The following CDH12 variants were observed in gnomAD, a reference collection of about 807,000 sequenced individuals.
CDH12 encodes cadherin 12.
CDH12 carries 41 observed loss-of-function variants against 74.1 expected under a neutral mutation model. That is an observed-to-expected ratio of 0.55 (90% confidence interval 0.43 to 0.72). The LOEUF (loss-of-function observed/expected upper bound fraction) is 0.72, where lower values mean the gene tolerates loss of function less well. Ranked by LOEUF, CDH12 falls within the 30% of genes least tolerant of loss-of-function variation. The pLI is 0.00. For missense variants in CDH12, 945 were observed against 977.2 expected (o/e 0.97, Z 0.44); for synonymous variants, 399 against 355.0 (o/e 1.12, Z -1.39).
intron 2 of CDH12, among the ~76,000 whole-genome samples, chr5:22,467,214 C>G (rs1745772613): frequency 6.6e-6 from 1 of 152,120 alleles, no homozygotes; most frequent in Non-Finnish European, 1.5e-5. Context: ...GGAACCTTGA[C>G]AGCCCGTGAG....
intron 1 of CDH12, among the ~76,000 whole-genome samples, chr5:22,664,424 C>T (rs1740503892): frequency 6.6e-6 from 1 of 152,040 alleles, no homozygotes; most frequent in African/African-American, 2.4e-5. Flanking sequence ...GAGAAAAGCC[C>T]CTTTTAAACT....
At chr5:22,800,857 T>C (rs1215949755) in intron 1 of CDH12, among the ~76,000 whole-genome samples, 1 of 152,202 alleles carries the variant, frequency 6.6e-6, no homozygotes, top group South Asian at 2.1e-4. Flanking sequence ...TTCCTCCTTG[T>C]CTTTTCACGG....
intron 6 of CDH12, among the ~76,000 whole-genome samples, chr5:21,863,192 C>T (rs367864433): frequency 7.9e-5 from 12 of 152,082 alleles, no homozygotes; most frequent in African/African-American, 2.9e-4. Context: ...CCAGAGACCC[C>T]ATGCTGTGAC....
At chr5:21,943,012 A>T (rs1470878424) in intron 6 of CDH12, among the ~76,000 whole-genome samples, 1 of 152,072 alleles carries the variant, frequency 6.6e-6, no homozygotes, top group East Asian at 1.9e-4. Flanking sequence ...AGATGTTCTC[A>T]TGATAGTGAA....
At chr5:21,797,091 G>T (rs1466669833) in intron 10 of CDH12, among the ~76,000 whole-genome samples, 2 of 152,038 alleles carry the variant, frequency 1.3e-5, no homozygotes, top group Non-Finnish European at 1.5e-5. Flanking sequence ...ACCAGACAGG[G>T]TGTGTTTGCT....
intron 1 of CDH12, among the ~76,000 whole-genome samples, chr5:22,752,735 C>A (rs1180397876): frequency 6.9e-6 from 1 of 145,836 alleles, no homozygotes; most frequent in Non-Finnish European, 1.5e-5. Flanking sequence ...CTACGCCCGG[C>A]TAATTTTTTG....
chr5:22,772,440 G>A (rs2126314472), intron 1 of CDH12, among the ~76,000 whole-genome samples: 1 of 151,988 alleles, frequency 6.6e-6, no homozygotes, highest in African/African-American at 2.4e-5. Flanking sequence ...CAGACACCAA[G>A]GAGTTCATTT....
At position 22,425,073 on chromosome 5, in the gene CDH12, TATATAGAG is replaced by T. The variant is rs1242449459; in HGVS notation, c.-427-19730_-427-19723del. 1.3e-4 allele frequency among the ~76,000 whole-genome samples: 14 copies of T among 103,758 alleles called. No individual in the cohort carries two copies. The East Asian group carries it at 2.1e-3, about 15-fold the overall frequency. 68.1% of individuals were successfully genotyped at this position (103,758 alleles called of 152,430 possible). ...GAGAATTTTTACATTTATATATATA[TATATAGAG>T]AGAGAGAGAGAGAGAGAGAGAATTT... On this transcript the variant is annotated intron_variant, in intron 2 of 14. Transcript: ENST00000382254.
intron 4 of CDH12, among the ~76,000 whole-genome samples, chr5:22,167,536 A>G (rs1022952072): frequency 2.6e-5 from 4 of 152,112 alleles, no homozygotes; most frequent in Non-Finnish European, 5.9e-5. Context: ...TTTGGACTCA[A>G]TGGCTCTGCC....
chr5:22,192,158 T>C (rs1750346742), intron 4 of CDH12, among the ~76,000 whole-genome samples: 1 of 152,004 alleles, frequency 6.6e-6, no homozygotes, highest in South Asian at 2.1e-4. Flanking sequence ...GGTCTCAAAC[T>C]CCTGGCCTCA....
At chr5:22,151,830 A>G (rs1245487663) in intron 4 of CDH12, 1 of 152,208 alleles carries the variant, frequency 6.6e-6, no homozygotes, top group Non-Finnish European at 1.5e-5. Context: ...ACATAAAAAG[A>G]CTAAAATAAA....
intron 13 of CDH12, among the ~76,000 whole-genome samples, chr5:21,757,154 C>A (rs1430386507): frequency 6.6e-6 from 1 of 151,936 alleles, no homozygotes; most frequent in Non-Finnish European, 1.5e-5. Flanking sequence ...GCAGCCTAAC[C>A]CTTTTTAAAA....
chr5:22,288,683 T>A (rs1303813967), intron 3 of CDH12, among the ~76,000 whole-genome samples: 1 of 152,160 alleles, frequency 6.6e-6, no homozygotes, highest in Non-Finnish European at 1.5e-5. Context: ...ATTTAAAGTC[T>A]GGGATGTACA....
chr5:22,093,014 C>T (rs1275342769), intron 4 of CDH12, among the ~76,000 whole-genome samples: 2 of 152,134 alleles, frequency 1.3e-5, no homozygotes, highest in African/African-American at 4.8e-5. Flanking sequence ...CATGAGAGTG[C>T]ACATCCCTTG....
At chr5:21,784,108 G>A (rs1746069654) in intron 10 of CDH12, among the ~76,000 whole-genome samples, 1 of 151,954 alleles carries the variant, frequency 6.6e-6, no homozygotes, top group Non-Finnish European at 1.5e-5. Flanking sequence ...AGTGACTTTG[G>A]ATAATGATGT....
At chr5:22,319,620 A>G (rs1343222438) in intron 3 of CDH12, among the ~76,000 whole-genome samples, 1 of 152,200 alleles carries the variant, frequency 6.6e-6, no homozygotes, top group Non-Finnish European at 1.5e-5. Context: ...ATCAATAGAA[A>G]CATTATATTG....
At chr5:21,886,544 T>C (rs1251269130) in intron 6 of CDH12, among the ~76,000 whole-genome samples, 1 of 146,582 alleles carries the variant, frequency 6.8e-6, no homozygotes, top group Admixed American at 6.8e-5. Flanking sequence ...ATATATAATA[T>C]ATATAAATAT....
intron 1 of CDH12, among the ~76,000 whole-genome samples, chr5:22,827,363 C>T (rs546415453): frequency 2.6e-5 from 4 of 152,334 alleles, no homozygotes; most frequent in Admixed American, 6.5e-5. Flanking sequence ...ATCCAAATAA[C>T]TTAAAACTGA....
chr5:21,926,631 G>C (rs1754594884), intron 6 of CDH12, among the ~76,000 whole-genome samples: 1 of 152,134 alleles, frequency 6.6e-6, no homozygotes, highest in African/African-American at 2.4e-5. Context: ...CCCAAATTAA[G>C]TACCCTCCAT....
Sources: allele counts gnomAD v4.1 joint callset (sites outside exome capture counted in the v4.1 genomes callset), GRCh38; gene constraint gnomAD v4.1.1; transcripts MANE v1.5; gene names NCBI Gene and HGNC (gene_info 2026-07-23, HGNC 2026-07-21).